The following FAXC variants were observed in gnomAD, a reference collection of about 807,000 sequenced individuals.
FAXC encodes failed axon connections homolog.
Under a neutral mutation model 41.9 loss-of-function variants are expected in FAXC, and 10 were observed. That is an observed-to-expected ratio of 0.24 (90% confidence interval 0.15 to 0.41). The LOEUF (loss-of-function observed/expected upper bound fraction) is 0.41, where lower values mean the gene tolerates loss of function less well. Among genes scored for constraint, FAXC ranks in the 10% least tolerant of loss-of-function variants. The probability of loss-of-function intolerance (pLI) is 1.00; values close to 1 mark genes in which losing one functional copy is unlikely to be tolerated. For synonymous variants in FAXC, 183 were observed against 183.8 expected (o/e 1.00, Z 0.03); for missense variants, 399 against 510.9 (o/e 0.78, Z 2.11).
chr6:99,314,171 A>G (rs1480446515), intron 4 of FAXC, among the ~76,000 whole-genome samples: 4 of 151,920 alleles, frequency 2.6e-5, no homozygotes, highest in South Asian at 4.2e-4. Context: ...CCAGCCATCC[A>G]CTAAGTTTTA....
At position 99,279,398 on chromosome 6, in the gene FAXC, T is replaced by C. The variant is rs142660056; in HGVS notation, c.*1766A>G. ...AGCAGTCTGAAAAACTCTCCTCCCTTTACCTCTTTGTGAATCTACAGCAGT... is the reference window on the plus strand; with the variant it reads ...AGCAGTCTGAAAAACTCTCCTCCCTCTACCTCTTTGTGAATCTACAGCAGT... On this transcript the variant is annotated 3_prime_UTR_variant, in exon 6 of 6. Coordinates refer to ENST00000389677, the MANE Select transcript of FAXC (RefSeq NM_032511.4). 1 of 152,294 alleles carries C rather than the reference T, an allele frequency of 6.6e-6. No individual in the cohort carries two copies. The highest frequency in any genetic ancestry group is 2.4e-5 in the African/African-American group (1 of 41,568). 9.4% of individuals were successfully genotyped at this position (152,294 alleles called of 1,614,324 possible). A position where few individuals can be genotyped will look rare whatever the true frequency, so the allele number is the denominator to read the frequency against.
At chr6:99,293,583 G>A (rs962477582) in intron 4 of FAXC, among the ~76,000 whole-genome samples, 24 of 152,020 alleles carry the variant, frequency 1.6e-4, no homozygotes, top group African/African-American at 5.8e-4. Context: ...GAGGTGACTT[G>A]AGCAGAGCAC....
intron 4 of FAXC, among the ~76,000 whole-genome samples, chr6:99,304,809 C>G (rs1771850322): frequency 6.6e-6 from 1 of 152,072 alleles, no homozygotes; most frequent in South Asian, 2.1e-4. Context: ...GGGAGGAGGT[C>G]AGGAAGAACC....
chr6:99,340,959 G>A (rs868373676), intron 2 of FAXC, among the ~76,000 whole-genome samples: 2 of 152,170 alleles, frequency 1.3e-5, no homozygotes, highest in Non-Finnish European at 2.9e-5. Flanking sequence ...GTGAGCCACC[G>A]TGCCCGGCCA....
rs1773734937 is a variant in FAXC, at chr6:99,349,652, T to G, written c.-280A>C. 1.3e-5 allele frequency: 2 copies of G among 152,036 alleles called. No individual in the cohort carries two copies. The highest frequency in any genetic ancestry group is 2.0e-4 in the South Asian group (1 of 4,920). The allele number at this position is 152,036 out of a possible 1,614,324, so 9.4% of individuals were successfully genotyped here. On this transcript the variant is annotated 5_prime_UTR_variant, in exon 1 of 6. Transcript: ENST00000389677. ...GCAGCTGCCTCTCCGCCCCGCTCTT[T>G]GTGTCGGCGCCTGGAGAAGGCCGCG...
chr6:99,304,548 T>C (rs1038343137), intron 4 of FAXC, among the ~76,000 whole-genome samples: 1 of 152,210 alleles, frequency 6.6e-6, no homozygotes, highest in African/African-American at 2.4e-5. Flanking sequence ...AAAAGCATGA[T>C]ACTTTTTCTA....
chr6:99,301,780 T>C (rs1351656152), intron 4 of FAXC, among the ~76,000 whole-genome samples: 1 of 152,192 alleles, frequency 6.6e-6, no homozygotes, highest in Non-Finnish European at 1.5e-5. Flanking sequence ...TGAGATCGGG[T>C]ACTTGCCACC....
intron 4 of FAXC, among the ~76,000 whole-genome samples, chr6:99,295,614 G>A (rs545460753): frequency 6.6e-6 from 1 of 152,270 alleles, no homozygotes; most frequent in African/African-American, 2.4e-5. Context: ...CTTGGGACTT[G>A]TCAGCTTCCA....
chr6:99,315,562 AC>A (rs1269376051), intron 4 of FAXC, among the ~76,000 whole-genome samples: 3 of 152,204 alleles, frequency 2.0e-5, no homozygotes, highest in Non-Finnish European at 4.4e-5. Context: ...CAATGGAATT[AC>A]CCTTCTGCCT....
rs891051864 is a variant in FAXC at position 99,273,298 on chromosome 6, C to T, written c.*7866G>A. The T allele has an allele frequency of 2.6e-5, 4 of 151,906 alleles. No individual in the cohort carries two copies. Among genetic ancestry groups the T allele is most frequent in the African/African-American group, 9.7e-5 (4 of 41,324 alleles). The allele number at this position is 151,906 out of a possible 1,614,324, so 9.4% of individuals were successfully genotyped here. ...TCAGATACCTAAAAATAAGTCTGCA[C>T]ATCTTCCACACATTTGAAGACACAA... On this transcript the variant is annotated 3_prime_UTR_variant, in exon 6 of 6. Coordinates refer to ENST00000389677, the MANE Select transcript of FAXC (RefSeq NM_032511.4).
intron 4 of FAXC, among the ~76,000 whole-genome samples, chr6:99,316,831 T>C (rs1043247910): frequency 1.3e-5 from 2 of 152,250 alleles, no homozygotes; most frequent in Non-Finnish European, 2.9e-5. Flanking sequence ...TGCTTGATTG[T>C]TTTATTCTAC....
At chr6:99,294,495 C>A (rs1771396959) in intron 4 of FAXC, among the ~76,000 whole-genome samples, 1 of 152,188 alleles carries the variant, frequency 6.6e-6, no homozygotes, top group Admixed American at 6.5e-5. Flanking sequence ...TACCCACACA[C>A]TGGAAGCCAT....
intron 4 of FAXC, among the ~76,000 whole-genome samples, chr6:99,295,999 T>C (rs1771481772): frequency 6.6e-6 from 1 of 152,190 alleles, no homozygotes; most frequent in Admixed American, 6.5e-5. Context: ...TGATTAGAAT[T>C]CTACTGTCCT....
At chr6:99,308,878 T>C (rs1326395731) in intron 4 of FAXC, among the ~76,000 whole-genome samples, 1 of 152,208 alleles carries the variant, frequency 6.6e-6, no homozygotes, top group African/African-American at 2.4e-5. Flanking sequence ...TTTTCCAATT[T>C]TTTAAAATTT....
rs1770696861 is a variant in FAXC at position 99,278,149 on chromosome 6, C to T, written c.*3015G>A. On this transcript the variant is annotated 3_prime_UTR_variant, in exon 6 of 6. Transcript: ENST00000389677. Reference sequence around the variant, plus strand: ...GTAGCCCACAGCCTTGGTAGTGTCACTTTCTACAATTCATTATGTAACAAC... The same window carrying T: ...GTAGCCCACAGCCTTGGTAGTGTCATTTTCTACAATTCATTATGTAACAAC... 1 of 152,202 alleles carries T rather than the reference C, an allele frequency of 6.6e-6. No homozygotes were observed. The highest frequency in any genetic ancestry group is 6.5e-5 in the Admixed American group (1 of 15,272). The allele number at this position is 152,202 out of a possible 1,614,324, so 9.4% of individuals were successfully genotyped here.
chr6:99,285,611 T>C (rs1297491544), intron 5 of FAXC, among the ~76,000 whole-genome samples: 1 of 152,212 alleles, frequency 6.6e-6, no homozygotes, highest in African/African-American at 2.4e-5. Flanking sequence ...CTTTTTAAAC[T>C]ATACCTTTGT....
intron 4 of FAXC, among the ~76,000 whole-genome samples, chr6:99,293,212 T>C (rs1366438023): frequency 2.0e-5 from 3 of 152,222 alleles, no homozygotes; most frequent in Non-Finnish European, 2.9e-5. Flanking sequence ...TAAAGTGCAT[T>C]ATACATTGCC....
chr6:99,344,924 C>T (rs912476653), intron 1 of FAXC, among the ~76,000 whole-genome samples: 5 of 152,164 alleles, frequency 3.3e-5, no homozygotes, highest in African/African-American at 1.2e-4. Context: ...AATTATCTAC[C>T]AAGCATATGC....
At chr6:99,307,076 C>T (rs912536370) in intron 4 of FAXC, among the ~76,000 whole-genome samples, 6 of 152,162 alleles carry the variant, frequency 3.9e-5, no homozygotes, top group African/African-American at 7.2e-5. Context: ...AAGGGCTCCT[C>T]GGTTCCTCTC....
Sources: gnomAD v4.1 joint callset for allele counts (sites outside exome capture counted in the v4.1 genomes callset) on GRCh38, gnomAD v4.1.1 for gene constraint, MANE v1.5 for transcripts, NCBI Gene and HGNC (gene_info 2026-07-23, HGNC 2026-07-21) for gene names.